Variants in KIZ observed in about 807,000 individuals in gnomAD.
The protein encoded by KIZ is centrosomal protein kizuna.
KIZ carries 68 observed loss-of-function variants against 79.6 expected under a neutral mutation model. The observed-to-expected ratio is 0.85, with a 90% confidence interval of 0.70 to 1.05. The LOEUF is 1.05. Ranked by LOEUF, KIZ falls within the 50% of genes least tolerant of loss-of-function variation. The probability of loss-of-function intolerance (pLI) is 0.00; values close to 1 mark genes in which losing one functional copy is unlikely to be tolerated. For synonymous variants in KIZ, 280 were observed against 281.8 expected, an observed-to-expected ratio of 0.99 and a Z score of 0.06; for missense variants, 797 against 800.4, an observed-to-expected ratio of 1.00 and a Z score of 0.05.
intron 6 of KIZ, among the ~76,000 whole-genome samples, chr20:21,192,513 C>T (rs2035155949): frequency 6.6e-6 from 1 of 152,032 alleles, no homozygotes; most frequent in African/African-American, 2.4e-5. Flanking sequence ...AACTACAGTG[C>T]TCTGTGACCT....
At chr20:21,241,812 A>G (rs200875362) in intron 11 of KIZ, among the ~76,000 whole-genome samples, 1 of 151,936 alleles carries the variant, frequency 6.6e-6, no homozygotes, top group Non-Finnish European at 1.5e-5. Context: ...ACTCGCATAG[A>G]TGTTCTCATG....
chr20:21,166,715 C>T, intron 6 of KIZ: 1 of 618,338 alleles, frequency 1.6e-6, no homozygotes, highest in East Asian at 2.7e-5. Context: ...GCCTCAGCTT[C>T]CCAAAGTGTT....
intron 3 of KIZ, among the ~76,000 whole-genome samples, chr20:21,139,370 A>T (rs940439278): frequency 2.6e-5 from 4 of 152,108 alleles, no homozygotes; most frequent in African/African-American, 9.7e-5. Context: ...GGTATTTAGA[A>T]ACCAAGATAT....
At chr20:21,195,455 C>G (rs1041309280) in intron 6 of KIZ, 4 of 152,362 alleles carry the variant, frequency 2.6e-5, no homozygotes, top group African/African-American at 9.6e-5. Flanking sequence ...GGAACCTGCT[C>G]CCACTGCAGC....
Position 21,219,457 on chromosome 20 carries a change from A to G in KIZ, c.1678+3809A>G, listed in dbSNP as rs556276806. Among the ~76,000 whole-genome samples, 3 of 152,076 alleles carry G rather than the reference A, an allele frequency of 2.0e-5. No homozygotes were observed. The East Asian group carries it at 5.8e-4, about 30-fold the overall frequency. On this transcript the variant is annotated intron_variant, in intron 9 of 12. Coordinates refer to ENST00000619189, the MANE Select transcript of KIZ (RefSeq NM_018474.6). ...CTCAGCCTCCCAAGTAGCTGGGACT[A>G]CAGGCATGCACCACCATGCCTGGCT...
chr20:21,223,371 C>A (rs1489659134), intron 9 of KIZ, among the ~76,000 whole-genome samples: 1 of 152,148 alleles, frequency 6.6e-6, no homozygotes, highest in Non-Finnish European at 1.5e-5. Context: ...ATATAAATTT[C>A]TATTTTCTGA....
intron 6 of KIZ, among the ~76,000 whole-genome samples, chr20:21,175,204 T>A (rs1191724808): frequency 1.3e-5 from 2 of 152,236 alleles, no homozygotes; most frequent in African/African-American, 4.8e-5. Context: ...GTTTTCTACC[T>A]GTCACTTCAT....
chr20:21,222,253 A>T (rs2036524329), intron 9 of KIZ, among the ~76,000 whole-genome samples: 1 of 152,218 alleles, frequency 6.6e-6, no homozygotes, highest in Non-Finnish European at 1.5e-5. Context: ...GAACTCATAA[A>T]TGCCAAGAGA....
Position 21,220,136 on chromosome 20 carries a change from TTA to T in KIZ, c.1678+4494_1678+4495del, listed in dbSNP as rs1054735979. On this transcript the variant is annotated intron_variant, in intron 9 of 12. Transcript: ENST00000619189. Reference sequence around the variant, plus strand: ...TGATACAATATATATTAGTTATATATTATATATCATATATCATTATAGATGAT... The same window carrying T: ...TGATACAATATATATTAGTTATATATTATATCATATATCATTATAGATGAT... Among the ~76,000 whole-genome samples the T allele has an allele frequency of 9.4e-4, 140 of 149,512 alleles. 1 individual carries two copies. The highest frequency in any genetic ancestry group is 3.3e-3 in the African/African-American group (137 of 41,060).
At chr20:21,235,635 AAGCCTGCCCTT>A (rs1195908591) in intron 11 of KIZ, among the ~76,000 whole-genome samples, 1 of 152,214 alleles carries the variant, frequency 6.6e-6, no homozygotes, top group Non-Finnish European at 1.5e-5. Flanking sequence ...TATATTTTAA[AAGCCTGCCCTT>A]AGCTTACTGG....
intron 6 of KIZ, among the ~76,000 whole-genome samples, chr20:21,185,714 C>CTT (rs34999241): frequency 2.9e-5 from 4 of 138,384 alleles, no homozygotes; most frequent in Admixed American, 7.3e-5. Flanking sequence ...CCCAACCCTA[C>CTT]TTTTTTTTTT....
At chr20:21,237,668 A>C (rs780788593) in intron 11 of KIZ, among the ~76,000 whole-genome samples, 25 of 152,166 alleles carry the variant, frequency 1.6e-4, no homozygotes, top group Admixed American at 1.3e-4. Flanking sequence ...AAGGCCTTCT[A>C]GATTTTTCAA....
At position 21,246,551 on chromosome 20, in the gene KIZ, A is replaced by T. The variant is rs763392319; in HGVS notation, c.1997A>T (p.Asp666Val). 6.2e-7 allele frequency: 1 copy of T among 1,607,026 alleles called. No individual in the cohort carries two copies. The highest frequency in any genetic ancestry group is 1.7e-5 in the Admixed American group (1 of 59,704). ...AALRPRNHNT[D>V]DSDDFYD ...TTACGCCCCAGAAACCATAACACCG[A>T]TGATTCTGATGATTTTTATGACTAA... Residue 666 changes from aspartate to valine, a missense_variant, in exon 13 of 13, where the codon GAT (aspartate) becomes GTT (valine). Asp to Val is a radical substitution (Grantham distance 152, BLOSUM62 -3). Transcript: ENST00000619189.
chr20:21,201,758 C>G (rs1256382605), intron 6 of KIZ, among the ~76,000 whole-genome samples: 1 of 152,022 alleles, frequency 6.6e-6, no homozygotes, highest in Non-Finnish European at 1.5e-5. Flanking sequence ...ATAAATTTTC[C>G]AACGTAAATT....
At chr20:21,133,963 G>A (rs1459215962) in intron 2 of KIZ, among the ~76,000 whole-genome samples, 1 of 152,212 alleles carries the variant, frequency 6.6e-6, no homozygotes, top group Non-Finnish European at 1.5e-5. Context: ...GCCCCAGGTG[G>A]AGTTAACTCC....
At position 21,126,258 on chromosome 20, in the gene KIZ, G is replaced by A. The variant is rs578218964; in HGVS notation, c.89+54G>A. On this transcript the variant is annotated intron_variant, in intron 1 of 12. Coordinates refer to ENST00000619189, the MANE Select transcript of KIZ (RefSeq NM_018474.6). ...TCGGCCCGCGCCGGGGGTCTTCCGC[G>A]TGCCCTGCCCCATTTTCCTTCCCGC... 1.3e-5 allele frequency: 16 copies of A among 1,203,674 alleles called. No homozygotes were observed. In the South Asian group the frequency reaches 2.9e-4, roughly 22 times the overall value. The allele number at this position is 1,203,674 out of a possible 1,614,324, so 74.6% of individuals were successfully genotyped here.
chr20:21,157,528 A>G (rs2033441821), intron 4 of KIZ, among the ~76,000 whole-genome samples: 1 of 152,050 alleles, frequency 6.6e-6, no homozygotes, highest in African/African-American at 2.4e-5. Flanking sequence ...AATTGGCCTT[A>G]TTTTCACTTT....
chr20:21,163,886 A>G (rs1366525613), intron 6 of KIZ, among the ~76,000 whole-genome samples: 1 of 152,216 alleles, frequency 6.6e-6, no homozygotes, highest in East Asian at 1.9e-4. Flanking sequence ...TTGAAAAGTG[A>G]TTTTGTGCTG....
rs1322136268 is a variant in KIZ, at chr20:21,205,572, T to C, written c.1434T>C (p.Ser478=). 6.6e-7 allele frequency: 1 copy of C among 1,511,586 alleles called. No homozygotes were observed. Among genetic ancestry groups the C allele is most frequent in the Admixed American group, 1.9e-5 (1 of 53,940 alleles). The allele number at this position is 1,511,586 out of a possible 1,614,324, so 93.6% of individuals were successfully genotyped here. Residue 478 remains serine (S), a synonymous_variant, in exon 7 of 13, where the codon TCT becomes TCC. Coordinates refer to ENST00000619189, the MANE Select transcript of KIZ (RefSeq NM_018474.6). The part of the protein sequence containing the change: ...HVATLKEHDN[S]VKEEATALLR... Reference sequence around the variant, plus strand: ...CCACCTTGAAAGAACATGATAATTCTGTCAAAGAAGAGGTAGGTAGCTAAA... The same window carrying C: ...CCACCTTGAAAGAACATGATAATTCCGTCAAAGAAGAGGTAGGTAGCTAAA...
Sources: gnomAD v4.1 joint callset for allele counts (sites outside exome capture counted in the v4.1 genomes callset) on GRCh38, gnomAD v4.1.1 for gene constraint, MANE v1.5 for transcripts, NCBI Gene and HGNC (gene_info 2026-07-23, HGNC 2026-07-21) for gene names.